Variants in ST8SIA6 observed in about 807,000 individuals in gnomAD.
ST8SIA6 encodes the protein ST8 alpha-N-acetyl-neuraminide alpha-2,8-sialyltransferase 6.
A neutral mutation model predicts 33.6 loss-of-function variants in ST8SIA6; 39 were observed. The observed-to-expected ratio is 1.16, with a 90% CI of 0.90 to 1.52. The LOEUF (loss-of-function observed/expected upper bound fraction) is 1.52. ST8SIA6 is among the 40% of genes most tolerant of loss of function. ST8SIA6 has a pLI of 0.00. For missense variants in ST8SIA6, 441 were observed against 443.8 expected (o/e 0.99, Z 0.06); for synonymous variants, 172 against 167.2 (o/e 1.03, Z -0.22).
intron 2 of ST8SIA6, among the ~76,000 whole-genome samples, chr10:17,426,788 A>G (rs1228463171): frequency 1.3e-5 from 2 of 152,230 alleles, no homozygotes; most frequent in African/African-American, 4.8e-5. Context: ...GAAAGACTTC[A>G]TCTTTTGGTA....
chr10:17,318,194 A>C lies in ST8SIA6; in HGVS notation c.*2684T>G, dbSNP rs749993043. Among the ~76,000 whole-genome samples, 5 of 151,964 alleles carry C rather than the reference A, an allele frequency of 3.3e-5. No homozygotes were observed. Among genetic ancestry groups the C allele is most frequent in the Admixed American group, 3.3e-4 (5 of 15,242 alleles). The stretch of plus-strand genomic sequence containing the variant: ...CTGGTAGTATGCAGCGTTATGAGCT[A>C]GAATCCTAACTAAAGGGCTACTTTT... On this transcript the variant is annotated 3_prime_UTR_variant, in exon 8 of 8. Transcript: ENST00000377602.
At chr10:17,428,946 C>T (rs1852017733) in intron 2 of ST8SIA6, among the ~76,000 whole-genome samples, 1 of 152,120 alleles carries the variant, frequency 6.6e-6, no homozygotes, top group African/African-American at 2.4e-5. Context: ...TGAACGCTGT[C>T]AACATGTTAT....
At chr10:17,424,251 A>G (rs1851865925) in intron 2 of ST8SIA6, among the ~76,000 whole-genome samples, 1 of 151,930 alleles carries the variant, frequency 6.6e-6, no homozygotes, top group Non-Finnish European at 1.5e-5. Context: ...TTACAGGTGC[A>G]CACCACCATG....
chr10:17,425,523 T>C (rs769032005), intron 2 of ST8SIA6, among the ~76,000 whole-genome samples: 4 of 151,196 alleles, frequency 2.6e-5, no homozygotes, highest in Non-Finnish European at 5.9e-5. Flanking sequence ...GCTGAGATCA[T>C]GCCACTGCAC....
chr10:17,391,732 G>GA (rs935052688), intron 2 of ST8SIA6, among the ~76,000 whole-genome samples: 2 of 151,772 alleles, frequency 1.3e-5, no homozygotes. Flanking sequence ...TGGAACAAAA[G>GA]AAAAAAAATC....
chr10:17,407,102 A>G (rs1279978112), intron 2 of ST8SIA6, among the ~76,000 whole-genome samples: 1 of 152,072 alleles, frequency 6.6e-6, no homozygotes, highest in African/African-American at 2.4e-5. Flanking sequence ...ACTGAGGGCT[A>G]ATCTTTTAAG....
intron 2 of ST8SIA6, among the ~76,000 whole-genome samples, chr10:17,400,058 T>C (rs779653310): frequency 1.2e-4 from 18 of 152,076 alleles, no homozygotes; most frequent in African/African-American, 1.7e-4. Flanking sequence ...ATCAGGAATA[T>C]TGAGGTGAAT....
intron 6 of ST8SIA6, 56 bp from the exon 7 acceptor site, chr10:17,323,213 A>T: frequency 2.5e-6 from 3 of 1,199,712 alleles, no homozygotes; most frequent in Non-Finnish European, 3.6e-6. Flanking sequence ...AAAAGATTGT[A>T]TACACACATA....
At position 17,333,688 on chromosome 10, in the gene ST8SIA6, TATATATATATA is replaced by T. The variant is rs1848379051; in HGVS notation, c.378-2147_378-2137del. On this transcript the variant is annotated intron_variant, in intron 4 of 7. Coordinates refer to ENST00000377602, the MANE Select transcript of ST8SIA6 (RefSeq NM_001004470.3). ...TGGTGCTGGGATATATATATATATA[TATATATATATA>T]TATATATATATATATATATTTTTTT... Among the ~76,000 whole-genome samples the T allele has an allele frequency of 1.4e-4, 3 of 21,324 alleles. 1 individual carries two copies. The highest frequency in any genetic ancestry group is 4.3e-4 in the African/African-American group (3 of 6,930). The allele number at this position is 21,324 out of a possible 152,430, so 14.0% of individuals were successfully genotyped here.
chr10:17,440,876 T>C (rs1852463384), intron 2 of ST8SIA6, among the ~76,000 whole-genome samples: 2 of 152,366 alleles, frequency 1.3e-5, no homozygotes, highest in Admixed American at 1.3e-4. Context: ...GAACATTTTG[T>C]CACATGCTTA....
chr10:17,401,336 G>C (rs895528459), intron 2 of ST8SIA6, among the ~76,000 whole-genome samples: 3 of 152,294 alleles, frequency 2.0e-5, no homozygotes, highest in African/African-American at 7.2e-5. Context: ...AATCAATATC[G>C]TGAAAATGGC....
In ST8SIA6 at chr10:17,316,128, T is replaced by G. The variant is rs1847767830; in HGVS notation, c.*4750A>C. On this transcript the variant is annotated 3_prime_UTR_variant, in exon 8 of 8. Coordinates refer to ENST00000377602, the MANE Select transcript of ST8SIA6 (RefSeq NM_001004470.3). ...GCTTGCTGTATTAAATATAATAACA[T>G]GTATATTTTTCTTCTTTATCCCTAA... Among the ~76,000 whole-genome samples the G allele has an allele frequency of 6.6e-6, 1 of 151,984 alleles. No homozygotes were observed. The highest frequency in any genetic ancestry group is 1.5e-5 in the Non-Finnish European group (1 of 67,900).
chr10:17,448,782 ATTTTTT>A (rs753562099), intron 2 of ST8SIA6, among the ~76,000 whole-genome samples: 2,104 of 123,542 alleles, frequency 0.017, 63 homozygotes, highest in African/African-American at 0.059. Context: ...CGCCAGGCTA[ATTTTTT>A]TTTTTTTTTT....
At chr10:17,418,730 T>C (rs1218428276) in intron 2 of ST8SIA6, among the ~76,000 whole-genome samples, 2 of 152,188 alleles carry the variant, frequency 1.3e-5, no homozygotes, top group South Asian at 2.1e-4. Flanking sequence ...CGATGGCTCA[T>C]GCCTGTAATC....
chr10:17,420,785 C>T (rs1851758443), intron 2 of ST8SIA6, among the ~76,000 whole-genome samples: 1 of 152,158 alleles, frequency 6.6e-6, no homozygotes, highest in Admixed American at 6.5e-5. Context: ...CTGCCTGAGA[C>T]TGGGTAATTT....
intron 2 of ST8SIA6, among the ~76,000 whole-genome samples, chr10:17,408,505 A>G (rs1020558323): frequency 6.6e-6 from 1 of 151,916 alleles, no homozygotes; most frequent in African/African-American, 2.4e-5. Context: ...CTCTACTAGA[A>G]AGGCAAAAAT....
intron 4 of ST8SIA6, among the ~76,000 whole-genome samples, chr10:17,349,806 C>T (rs1321650873): frequency 6.6e-6 from 1 of 152,110 alleles, no homozygotes; most frequent in Non-Finnish European, 1.5e-5. Flanking sequence ...ACTCCCCAGC[C>T]CTTTCCAACT....
rs939885286 is a variant in ST8SIA6, at chr10:17,381,680, C to T, written c.290+8851G>A. On this transcript the variant is annotated intron_variant, in intron 3 of 7. Coordinates refer to ENST00000377602, the MANE Select transcript of ST8SIA6 (RefSeq NM_001004470.3). Reference sequence around the variant, plus strand: ...GTTTCATACTTATCCTTGCCAAATACTATGAGGTGTCAAAATTTGGCATGG... The same window carrying T: ...GTTTCATACTTATCCTTGCCAAATATTATGAGGTGTCAAAATTTGGCATGG... Among the ~76,000 whole-genome samples, 3 of 152,200 alleles carry T rather than the reference C, an allele frequency of 2.0e-5. No homozygotes were observed. In the East Asian group the frequency reaches 5.8e-4, roughly 29 times the overall value.
Position 17,334,648 on chromosome 10 carries a change from T to C in ST8SIA6, c.378-3096A>G, listed in dbSNP as rs77402915. ...ACATAATCATTTATTATCAGACAAGTCCAATGAAAAAAAGAAATATACAGT... is the reference window on the plus strand; with the variant it reads ...ACATAATCATTTATTATCAGACAAGCCCAATGAAAAAAAGAAATATACAGT... On this transcript the variant is annotated intron_variant, in intron 4 of 7. Coordinates refer to ENST00000377602, the MANE Select transcript of ST8SIA6 (RefSeq NM_001004470.3). Among the ~76,000 whole-genome samples, 1,485 of 151,700 alleles carry C rather than the reference T, an allele frequency of 9.8e-3. 24 individuals carry two copies. Among genetic ancestry groups the C allele is most frequent in the African/African-American group, 0.034 (1,399 of 41,400 alleles).
Sources: gnomAD v4.1 joint callset for allele counts (sites outside exome capture counted in the v4.1 genomes callset) on GRCh38, gnomAD v4.1.1 for gene constraint, MANE v1.5 for transcripts, NCBI Gene and HGNC (gene_info 2026-07-23, HGNC 2026-07-21) for gene names.